Variants in ANKRD44 observed in about 807,000 individuals in gnomAD.
ANKRD44 encodes the protein ankyrin repeat domain 44.
In ANKRD44, 35 loss-of-function variants were observed where a neutral mutation model predicts 116.0. The observed-to-expected ratio is 0.30, with a 90% CI of 0.23 to 0.40. ANKRD44 has a LOEUF of 0.40. ANKRD44 is among the 10% of genes least tolerant of loss of function. The pLI, the probability that ANKRD44 is intolerant of heterozygous loss-of-function variation, is 1.00. For synonymous variants in ANKRD44, 435 were observed against 461.8 expected (o/e 0.94, Z 0.74); for missense variants, 1,014 against 1,242.6 (o/e 0.82, Z 2.77).
At chr2:197,270,569 T>C (rs1168581752) in intron 1 of ANKRD44, among the ~76,000 whole-genome samples, 1 of 152,062 alleles carries the variant, frequency 6.6e-6, no homozygotes, top group African/African-American at 2.4e-5. Context: ...TAAGAAGTAA[T>C]AAACAGCAGA....
At chr2:197,128,828 ACTGT>A (rs2079034648) in intron 4 of ANKRD44, among the ~76,000 whole-genome samples, 1 of 152,170 alleles carries the variant, frequency 6.6e-6, no homozygotes, top group Non-Finnish European at 1.5e-5. Flanking sequence ...TGTTTTTCAA[ACTGT>A]CTGTGGTAAA....
chr2:197,068,978 G>A (rs2077502182), intron 16 of ANKRD44, among the ~76,000 whole-genome samples: 5 of 152,156 alleles, frequency 3.3e-5, no homozygotes, highest in Non-Finnish European at 7.4e-5. Flanking sequence ...AAATCATGCT[G>A]CTATAAAGAC....
chr2:196,997,365 C>T (rs777809577), intron 25 of ANKRD44, among the ~76,000 whole-genome samples: 7 of 150,130 alleles, frequency 4.7e-5, no homozygotes, highest in South Asian at 2.1e-4. Context: ...TAATATTATA[C>T]GATTCAGCAA....
At chr2:197,059,002 G>GATT in intron 16 of ANKRD44, among the ~76,000 whole-genome samples, 1 of 143,924 alleles carries the variant, frequency 6.9e-6, no homozygotes, top group Middle Eastern at 3.5e-3. Context: ...TTAAATTTAA[G>GATT]AGTTACCTCT....
chr2:197,092,866 G>A (rs1431523728), intron 10 of ANKRD44, among the ~76,000 whole-genome samples: 4 of 150,742 alleles, frequency 2.7e-5, no homozygotes, highest in Non-Finnish European at 1.5e-5. Flanking sequence ...TTTTTTCAAT[G>A]CATAACATGT....
rs1224543533 is a variant in ANKRD44 at position 197,197,823 on chromosome 2, AAAAAAAAG to A, written c.28-10725_28-10718del. 5.5e-3 allele frequency among the ~76,000 whole-genome samples: 781 copies of A among 143,278 alleles called. 2 individuals are homozygous for A. Among genetic ancestry groups the A allele is most frequent in the Non-Finnish European group, 7.7e-3 (504 of 65,198 alleles). 94.0% of individuals were successfully genotyped at this position (143,278 alleles called of 152,430 possible). A position where few individuals can be genotyped will look rare whatever the true frequency, so the allele number is the denominator to read the frequency against. On this transcript the variant is annotated intron_variant, in intron 1 of 27. Transcript: ENST00000282272. ...AAATCCTGTCTCAAAAAAAAAAAAA[AAAAAAAAG>A]AAAGAAAGAAACACAGAAAAAGAAA...
chr2:197,252,833 G>A (rs994214420), intron 1 of ANKRD44, among the ~76,000 whole-genome samples: 5 of 152,110 alleles, frequency 3.3e-5, no homozygotes, highest in African/African-American at 1.2e-4. Context: ...TACTCTTGCA[G>A]TGCTTTGAAA....
intron 1 of ANKRD44, among the ~76,000 whole-genome samples, chr2:197,188,265 C>A (rs1005418244): frequency 2.6e-5 from 4 of 152,130 alleles, no homozygotes; most frequent in African/African-American, 9.7e-5. Flanking sequence ...CAGCTAGCTC[C>A]ACTTGGGTAG....
intron 1 of ANKRD44, among the ~76,000 whole-genome samples, chr2:197,230,810 C>T (rs1343660016): frequency 6.6e-6 from 1 of 152,152 alleles, no homozygotes; most frequent in East Asian, 1.9e-4. Context: ...TCTACCATCT[C>T]CCGGGACCCC....
intron 16 of ANKRD44, among the ~76,000 whole-genome samples, chr2:197,069,740 C>G (rs1463498448): frequency 6.6e-6 from 1 of 152,022 alleles, no homozygotes; most frequent in East Asian, 1.9e-4. Context: ...CTTTCTAGTT[C>G]TTTTGCTATT....
chr2:197,276,045 G>C (rs752243873), intron 1 of ANKRD44, among the ~76,000 whole-genome samples: 19 of 152,068 alleles, frequency 1.2e-4, no homozygotes, highest in Admixed American at 4.6e-4. Context: ...GGAGGCCAAG[G>C]TGGGCAAATC....
intron 1 of ANKRD44, among the ~76,000 whole-genome samples, chr2:197,191,902 G>A (rs1026114936): frequency 5.3e-5 from 8 of 152,124 alleles, no homozygotes; most frequent in African/African-American, 1.9e-4. Flanking sequence ...AAACCTACGT[G>A]CTAAGGTATC....
intron 1 of ANKRD44, among the ~76,000 whole-genome samples, chr2:197,214,798 A>T (rs193147427): frequency 2.9e-4 from 44 of 152,342 alleles, no homozygotes; most frequent in Admixed American, 2.3e-3. Flanking sequence ...GGAAGGTCAC[A>T]TATGCCTGTT....
At chr2:196,992,359 T>C (rs1241049823) in intron 27 of ANKRD44, among the ~76,000 whole-genome samples, 5 of 152,130 alleles carry the variant, frequency 3.3e-5, no homozygotes, top group African/African-American at 7.2e-5. Flanking sequence ...AAGTCAGTGA[T>C]GAGTAAAGGA....
Position 197,013,707 on chromosome 2 carries a change from G to A in ANKRD44, c.1728C>T (p.Tyr576=). ...CTTCCAAGGCTTGATGGTGCCCATT[G>A]TAGGCCTGCAAAGAAGAAACCAATG... ...ATKSPLHLAA[Y]NGHHQALEVL... The change falls in exon 18 of 28, where the codon TAC becomes TAT. Residue 576 remains tyrosine, a synonymous_variant. Transcript: ENST00000282272. 1 of 1,612,648 alleles carries A rather than the reference G, an allele frequency of 6.2e-7. No individual in the cohort carries two copies. The highest frequency in any genetic ancestry group is 1.1e-5 in the South Asian group (1 of 91,002).
intron 2 of ANKRD44, among the ~76,000 whole-genome samples, chr2:197,170,216 T>TAAAAAAAAAAAAAAAAAAAAA (rs2080200007): frequency 8.1e-6 from 1 of 123,594 alleles, no homozygotes; most frequent in Non-Finnish European, 1.8e-5. Context: ...AAAAAAAAAC[T>TAAAAAAAAAAAAAAAAAAAAA]GGGAGGCATT....
intron 16 of ANKRD44, among the ~76,000 whole-genome samples, chr2:197,031,179 AT>A (rs2076700342): frequency 6.8e-6 from 1 of 147,522 alleles, no homozygotes; most frequent in Non-Finnish European, 1.5e-5. Flanking sequence ...TTTTTTTTTT[AT>A]AAAGCAGTAT....
At chr2:197,115,422 G>A (rs1249792610) in intron 8 of ANKRD44, among the ~76,000 whole-genome samples, 1 of 152,182 alleles carries the variant, frequency 6.6e-6, no homozygotes, top group African/African-American at 2.4e-5. Context: ...TATTGTATCA[G>A]TAAAGTATAT....
intron 16 of ANKRD44, among the ~76,000 whole-genome samples, chr2:197,074,632 A>G (rs2077627948): frequency 6.6e-6 from 1 of 152,028 alleles, no homozygotes; most frequent in African/African-American, 2.4e-5. Flanking sequence ...TCACATCACC[A>G]TACCTGGCTA....
Sources: allele counts gnomAD v4.1 joint callset (sites outside exome capture counted in the v4.1 genomes callset), GRCh38; gene constraint gnomAD v4.1.1; transcripts MANE v1.5; gene names NCBI Gene and HGNC (gene_info 2026-07-23, HGNC 2026-07-21).